Variants in DPP10 observed in about 807,000 individuals in gnomAD.
DPP10 encodes the protein dipeptidyl peptidase like 10.
A neutral mutation model predicts 120.9 loss-of-function variants in DPP10; 33 were observed. The ratio of observed to expected loss-of-function variants is 0.27; its 90% CI spans 0.21 to 0.37. The LOEUF (loss-of-function observed/expected upper bound fraction) is 0.37. DPP10 is among the 10% of genes least tolerant of loss of function. The probability of loss-of-function intolerance (pLI) is 1.00; values close to 1 mark genes in which losing one functional copy is unlikely to be tolerated. For synonymous variants in DPP10, 337 were observed against 326.1 expected (o/e 1.03, Z -0.36); for missense variants, 816 against 942.8 (o/e 0.87, Z 1.76).
chr2:114,616,165 AC>A (rs1215341555), intron 1 of DPP10, among the ~76,000 whole-genome samples: 1 of 151,824 alleles, frequency 6.6e-6, no homozygotes, highest in East Asian at 1.9e-4. Context: ...ATCGCTTGTA[AC>A]TCTTTCTTCC....
chr2:114,804,526 A>G (rs1684552544), intron 1 of DPP10, among the ~76,000 whole-genome samples: 1 of 152,202 alleles, frequency 6.6e-6, no homozygotes, highest in Non-Finnish European at 1.5e-5. Context: ...GCTTTCCAAG[A>G]CCATGGGAAC....
intron 2 of DPP10, among the ~76,000 whole-genome samples, chr2:115,313,628 C>A (rs970288435): frequency 6.6e-6 from 1 of 152,176 alleles, no homozygotes; most frequent in African/African-American, 2.4e-5. Context: ...GGAATGCAAG[C>A]CTATAACCAG....
chr2:115,348,902 A>T (rs935887367), intron 3 of DPP10, among the ~76,000 whole-genome samples: 1 of 152,088 alleles, frequency 6.6e-6, no homozygotes, highest in Admixed American at 6.6e-5. Flanking sequence ...GAAAATTTTT[A>T]AATGTGTACC....
intron 12 of DPP10, among the ~76,000 whole-genome samples, chr2:115,765,979 A>G (rs1298165615): frequency 6.6e-6 from 1 of 152,072 alleles, no homozygotes; most frequent in Non-Finnish European, 1.5e-5. Context: ...TGAAGCTAAA[A>G]TCAAACTGTT....
intron 1 of DPP10, among the ~76,000 whole-genome samples, chr2:115,186,617 G>A (rs1214963138): frequency 6.6e-6 from 1 of 152,180 alleles, no homozygotes; most frequent in African/African-American, 2.4e-5. Context: ...ATTTCAAGAA[G>A]TAGGAAGCAG....
chr2:115,058,781 C>A (rs143175324), intron 1 of DPP10, among the ~76,000 whole-genome samples: 123 of 152,138 alleles, frequency 8.1e-4, no homozygotes, highest in African/African-American at 2.9e-3. Context: ...TGCAAGCCAG[C>A]CCTTCAAATA....
intron 1 of DPP10, among the ~76,000 whole-genome samples, chr2:115,155,967 T>C (rs1339915525): frequency 6.6e-6 from 1 of 152,202 alleles, no homozygotes; most frequent in Non-Finnish European, 1.5e-5. Flanking sequence ...TAAAGATCTG[T>C]GACTTTAGTA....
chr2:115,344,204 A>G (rs942229901), intron 3 of DPP10, among the ~76,000 whole-genome samples: 6 of 152,016 alleles, frequency 3.9e-5, no homozygotes, highest in African/African-American at 9.7e-5. Flanking sequence ...CAAAGATTAC[A>G]TGGGTATTAT....
chr2:115,178,289 A>G (rs529782787), intron 1 of DPP10, among the ~76,000 whole-genome samples: 72 of 152,312 alleles, frequency 4.7e-4, no homozygotes, highest in Non-Finnish European at 8.7e-4. Flanking sequence ...CTACCGGAGT[A>G]GACAAGGGCA....
intron 1 of DPP10, among the ~76,000 whole-genome samples, chr2:114,976,614 A>G (rs1176480430): frequency 6.6e-6 from 1 of 152,202 alleles, no homozygotes; most frequent in African/African-American, 2.4e-5. Flanking sequence ...TCTAGCATAG[A>G]ATATTTCAGT....
intron 1 of DPP10, among the ~76,000 whole-genome samples, chr2:114,808,005 G>C (rs751191529): frequency 8.9e-4 from 136 of 152,336 alleles, no homozygotes; most frequent in Non-Finnish European, 1.5e-3. Flanking sequence ...AAGCGTGGTG[G>C]TGTCAGAGGA....
chr2:115,697,968 G>A (rs568091715), intron 7 of DPP10, among the ~76,000 whole-genome samples: 20 of 152,208 alleles, frequency 1.3e-4, no homozygotes, highest in African/African-American at 2.6e-4. Flanking sequence ...GCGAGAGAGC[G>A]AGACTCCATC....
intron 1 of DPP10, among the ~76,000 whole-genome samples, chr2:114,518,246 T>G (rs1458598244): frequency 6.6e-6 from 1 of 151,804 alleles, no homozygotes; most frequent in Admixed American, 6.6e-5. Flanking sequence ...CCTGGCTAAT[T>G]TTTGTGTTTT....
At chr2:114,669,048 C>T (rs1228907118) in intron 1 of DPP10, among the ~76,000 whole-genome samples, 1 of 152,156 alleles carries the variant, frequency 6.6e-6, no homozygotes, top group Admixed American at 6.5e-5. Context: ...CTTAGTATTA[C>T]TTAAAGCATA....
intron 1 of DPP10, among the ~76,000 whole-genome samples, chr2:114,971,637 T>C (rs1315772458): frequency 6.6e-6 from 1 of 152,080 alleles, no homozygotes; most frequent in African/African-American, 2.4e-5. Flanking sequence ...AGAGCGAAAG[T>C]AGACTAACAA....
intron 1 of DPP10, among the ~76,000 whole-genome samples, chr2:114,707,449 A>T (rs1700755110): frequency 6.6e-6 from 1 of 152,254 alleles, no homozygotes; most frequent in South Asian, 2.1e-4. Context: ...ACTAAAGTCC[A>T]TGATATGTAT....
chr2:114,781,671 A>G (rs1574173199), intron 1 of DPP10, among the ~76,000 whole-genome samples: 1 of 152,120 alleles, frequency 6.6e-6, no homozygotes, highest in Non-Finnish European at 1.5e-5. Context: ...AAAGGGAAGC[A>G]GGGCATATCT....
chr2:115,349,112 C>G (rs964038887), intron 3 of DPP10, among the ~76,000 whole-genome samples: 1 of 152,104 alleles, frequency 6.6e-6, no homozygotes, highest in Non-Finnish European at 1.5e-5. Flanking sequence ...AGTTGTTTCA[C>G]ATTTCTTTTG....
At chr2:114,536,273 C>G (rs1343422252) in intron 1 of DPP10, among the ~76,000 whole-genome samples, 1 of 152,040 alleles carries the variant, frequency 6.6e-6, no homozygotes, top group Non-Finnish European at 1.5e-5. Flanking sequence ...TGAATCTTTT[C>G]CCTTAGAGGA....
Sources: gnomAD v4.1 joint callset for allele counts (sites outside exome capture counted in the v4.1 genomes callset) on GRCh38, gnomAD v4.1.1 for gene constraint, MANE v1.5 for transcripts, NCBI Gene and HGNC (gene_info 2026-07-23, HGNC 2026-07-21) for gene names.